RBM19: variants seen among roughly 807,000 people sequenced by gnomAD.
RBM19 encodes RNA binding motif protein 19, also known as probable RNA-binding protein 19.
In RBM19, 94 loss-of-function variants were observed where a neutral mutation model predicts 116.8. The observed-to-expected ratio is 0.80, with a 90% CI of 0.68 to 0.95. The LOEUF is 0.95. Among genes scored for constraint, RBM19 ranks in the 40% least tolerant of loss-of-function variants. RBM19 has a pLI of 0.00. For synonymous variants in RBM19, 475 were observed against 494.1 expected, an observed-to-expected ratio of 0.96 and a Z score of 0.51; for missense variants, 1,161 against 1,220.7, an observed-to-expected ratio of 0.95 and a Z score of 0.73.
intron 20 of RBM19, among the ~76,000 whole-genome samples, chr12:113,917,560 C>T (rs887860370): frequency 2.0e-5 from 3 of 152,158 alleles, no homozygotes; most frequent in African/African-American, 7.2e-5. Flanking sequence ...GCTGGACTCA[C>T]AGGAAGCATT....
At chr12:113,951,437 T>C (rs10850253) in intron 8 of RBM19, among the ~76,000 whole-genome samples, 31,492 of 151,976 alleles carry the variant, frequency 0.21, 4,179 homozygotes, top group African/African-American at 0.36. Context: ...GCAGCTTTCA[T>C]GGAGTGTGCA....
intron 21 of RBM19, among the ~76,000 whole-genome samples, chr12:113,882,992 T>C (rs561843880): frequency 8.6e-5 from 13 of 151,172 alleles, no homozygotes; most frequent in Admixed American, 4.6e-4. Context: ...CTTGAAAAAA[T>C]TGCCAAGCCT....
intron 23 of RBM19, among the ~76,000 whole-genome samples, chr12:113,837,530 C>T (rs933256678): frequency 2.0e-5 from 3 of 152,210 alleles, no homozygotes; most frequent in Non-Finnish European, 4.4e-5. Flanking sequence ...CCTTGGAGCC[C>T]CACCGTTTCC....
At chr12:113,839,195 A>T (rs991108103) in intron 23 of RBM19, among the ~76,000 whole-genome samples, 5 of 152,252 alleles carry the variant, frequency 3.3e-5, no homozygotes, top group African/African-American at 1.2e-4. Context: ...AGGAGCTCTG[A>T]ACAATGCGGA....
At chr12:113,928,451 C>G (rs964507856) in intron 16 of RBM19, among the ~76,000 whole-genome samples, 2 of 149,608 alleles carry the variant, frequency 1.3e-5, no homozygotes, top group Non-Finnish European at 3.0e-5. Context: ...CACACACACA[C>G]AGTGATCACA....
chr12:113,949,255 A>G (rs1871290338), intron 9 of RBM19, among the ~76,000 whole-genome samples: 1 of 152,198 alleles, frequency 6.6e-6, no homozygotes, highest in Non-Finnish European at 1.5e-5. Flanking sequence ...GTTCAGCTTC[A>G]GCCCTGGAGG....
intron 20 of RBM19, among the ~76,000 whole-genome samples, chr12:113,917,190 T>C (rs1254027403): frequency 6.6e-6 from 1 of 152,172 alleles, no homozygotes; most frequent in East Asian, 1.9e-4. Context: ...AATGGTTCCA[T>C]GAACACTGGC....
chr12:113,927,029 C>T, intron 17 of RBM19, 25 bp downstream of exon 17: 2 of 1,601,726 alleles, frequency 1.2e-6, no homozygotes, highest in Non-Finnish European at 1.7e-6. Flanking sequence ...CACGCCCCTC[C>T]CTCCTGGGCT....
intron 21 of RBM19, among the ~76,000 whole-genome samples, chr12:113,882,167 G>A (rs1451088741): frequency 6.6e-6 from 1 of 152,238 alleles, no homozygotes; most frequent in Non-Finnish European, 1.5e-5. Flanking sequence ...GGGCAGGTGT[G>A]TAGGAGAGAT....
intron 21 of RBM19, among the ~76,000 whole-genome samples, chr12:113,896,318 G>A (rs780287109): frequency 1.1e-4 from 16 of 152,274 alleles, no homozygotes; most frequent in East Asian, 5.8e-4. Flanking sequence ...CAAATTCTCC[G>A]GAATGCAGCG....
intron 16 of RBM19, among the ~76,000 whole-genome samples, chr12:113,936,468 T>C (rs759282024): frequency 2.0e-5 from 3 of 152,216 alleles, no homozygotes; most frequent in Non-Finnish European, 2.9e-5. Flanking sequence ...GTCTTGTGAT[T>C]TGCAAAGCAG....
chr12:113,964,421 T>A (rs968746550), intron 1 of RBM19, among the ~76,000 whole-genome samples: 1 of 152,210 alleles, frequency 6.6e-6, no homozygotes, highest in Middle Eastern at 3.2e-3. Context: ...CTTGTTTTTA[T>A]TATTCTTTCA....
At position 113,860,065 on chromosome 12, in the gene RBM19, T is replaced by C. The variant is rs564685679; in HGVS notation, c.2559-1169A>G. ...TGAATCCTCAAAATGAATCTGCACG[T>C]CTCCTCGGAGCTCTCCCCAGCAGCT... On this transcript the variant is annotated intron_variant, in intron 21 of 23. Transcript: ENST00000261741. Among the ~76,000 whole-genome samples, 6 of 152,310 alleles carry C rather than the reference T, an allele frequency of 3.9e-5. No individual in the cohort carries two copies. In the East Asian group the frequency reaches 1.2e-3, roughly 29 times the overall value.
At chr12:113,907,047 C>A (rs1317668254) in intron 21 of RBM19, among the ~76,000 whole-genome samples, 1 of 152,108 alleles carries the variant, frequency 6.6e-6, no homozygotes, top group African/African-American at 2.4e-5. Context: ...ATCCCCCCTG[C>A]AGCCTTCGGA....
rs11614209 is a variant in RBM19, at chr12:113,822,420, C to T, written c.*804G>A. The T allele has an allele frequency of 0.027, 4,155 of 152,342 alleles. 93 individuals are homozygous for T. The highest frequency in any genetic ancestry group is 0.044 in the Middle Eastern group (13 of 294). 9.4% of individuals were successfully genotyped at this position (152,342 alleles called of 1,614,324 possible). A position where few individuals can be genotyped will look rare whatever the true frequency, so the allele number is the denominator to read the frequency against. ...TTGATGCATTTCACAGGGCTCTGGG[C>T]CCGTGAGCAGAACGCGTCCACCATG... is the stretch of plus-strand genomic sequence containing the variant. On this transcript the variant is annotated 3_prime_UTR_variant, in exon 24 of 24. Coordinates refer to ENST00000261741, the MANE Select transcript of RBM19 (RefSeq NM_016196.4).
chr12:113,919,873 C>T (rs920863073), intron 19 of RBM19, among the ~76,000 whole-genome samples: 1 of 152,106 alleles, frequency 6.6e-6, no homozygotes, highest in Non-Finnish European at 1.5e-5. Context: ...CCTCTCCACA[C>T]CAGCAGCTGC....
At position 113,962,333 on chromosome 12, in the gene RBM19, T is replaced by C. The variant is rs145566044; in HGVS notation, c.118A>G (p.Lys40Glu). The change falls in exon 2 of 24, where the codon AAG (lysine) becomes GAG (glutamate). Residue 40 changes from lysine to glutamate, a missense_variant. By Grantham distance (56) the Lys-to-Glu change is moderately conservative. Transcript: ENST00000261741. Reference sequence around the variant, plus strand: ...CCAATAAAACCAAACTTGCGGAACTTGCCATCTTTGGTGAACTTCAGGCTG... The same window carrying C: ...CCAATAAAACCAAACTTGCGGAACTCGCCATCTTTGGTGAACTTCAGGCTG... ...DCSLKFTKDG[K>E]FRKFGFIGFK... is the part of the protein sequence containing the mutation. 138 of 1,614,248 alleles carry C rather than the reference T, an allele frequency of 8.5e-5. 1 individual carries two copies. The highest frequency in any genetic ancestry group is 4.9e-4 in the Middle Eastern group (3 of 6,062).
Position 113,940,038 on chromosome 12 carries a change from C to A in RBM19, c.1860G>T (p.Glu620Asp). The change falls in exon 15 of 24, where the codon GAG (glutamate) becomes GAT (aspartate). Residue 620 changes from glutamate (E) to aspartate (D), a missense_variant. Glu to Asp is a conservative substitution (Grantham distance 45). Coordinates refer to ENST00000261741, the MANE Select transcript of RBM19 (RefSeq NM_016196.4). ...FGSLGRVLLP[E>D]GGITAIVEFL... ...ACTCCACGATGGCAGTGATTCCGCC[C>A]TCTGGCAGCAGCACGCGGCCCAGGC... 6.2e-7 allele frequency: 1 copy of A among 1,614,146 alleles called. No individual in the cohort carries two copies. The highest frequency in any genetic ancestry group is 1.1e-5 in the South Asian group (1 of 91,078).
intron 21 of RBM19, among the ~76,000 whole-genome samples, chr12:113,901,527 G>A (rs80094515): frequency 7.0e-5 from 10 of 143,356 alleles, no homozygotes; most frequent in Non-Finnish European, 1.4e-4. Flanking sequence ...TCATTCATTC[G>A]AGACAGAGTC....
Sources: gnomAD v4.1 joint callset for allele counts (sites outside exome capture counted in the v4.1 genomes callset) on GRCh38, gnomAD v4.1.1 for gene constraint, MANE v1.5 for transcripts, NCBI Gene and HGNC (gene_info 2026-07-23, HGNC 2026-07-21) for gene names.